STARD13: variants seen among roughly 807,000 people sequenced by gnomAD.
STARD13 encodes the protein stAR-related lipid transfer protein 13.
STARD13 carries 62 observed loss-of-function variants against 106.4 expected under a neutral mutation model. That is an observed-to-expected ratio of 0.58 (90% CI 0.48 to 0.72). The LOEUF (loss-of-function observed/expected upper bound fraction) is 0.72. Ranked by LOEUF, STARD13 falls within the 30% of genes least tolerant of loss-of-function variation. The probability of loss-of-function intolerance (pLI) is 0.00; values close to 1 mark genes in which losing one functional copy is unlikely to be tolerated. For missense variants in STARD13, 1,387 were observed against 1,424.0 expected, an observed-to-expected ratio of 0.97 and a Z score of 0.42; for synonymous variants, 565 against 553.0, an observed-to-expected ratio of 1.02 and a Z score of -0.31.
the STARD13 span, among the ~76,000 whole-genome samples, chr13:33,502,905 T>A: frequency 6.6e-6 from 1 of 152,166 alleles, no homozygotes; most frequent in Non-Finnish European, 1.5e-5. Flanking sequence ...ATAAAATGAG[T>A]TAGGGAGGAT....
the STARD13 span, among the ~76,000 whole-genome samples, chr13:33,663,470 A>G: frequency 2.0e-5 from 3 of 152,208 alleles, no homozygotes; most frequent in Admixed American, 1.3e-4. Context: ...ATAGTATGCA[A>G]TCAACAAAAA....
chr13:33,493,365 T>C, the STARD13 span, among the ~76,000 whole-genome samples: 3 of 152,174 alleles, frequency 2.0e-5, no homozygotes, highest in Non-Finnish European at 2.9e-5. Context: ...TCTCACGTGA[T>C]CAGTAAAGCT....
the STARD13 span, among the ~76,000 whole-genome samples, chr13:33,369,067 A>C: frequency 6.8e-6 from 1 of 146,394 alleles, no homozygotes; most frequent in East Asian, 1.9e-4. Context: ...TCAACTAAAC[A>C]AACAAATAAT....
At chr13:33,152,224 C>A (rs1881375571) in intron 3 of STARD13, among the ~76,000 whole-genome samples, 1 of 152,144 alleles carries the variant, frequency 6.6e-6, no homozygotes, top group African/African-American at 2.4e-5. Context: ...AGGGAAGGTG[C>A]AGTCAGAGAT....
chr13:33,597,511 T>A, the STARD13 span, among the ~76,000 whole-genome samples: 4 of 152,086 alleles, frequency 2.6e-5, no homozygotes, highest in African/African-American at 7.2e-5. Context: ...TTTATTCTAC[T>A]ATGTGTTGGG....
At chr13:33,409,744 G>A in the STARD13 span, among the ~76,000 whole-genome samples, 1 of 152,168 alleles carries the variant, frequency 6.6e-6, no homozygotes, top group African/African-American at 2.4e-5. Context: ...TGACCAAATA[G>A]AGGAAAATAC....
At chr13:33,589,557 C>T in the STARD13 span, among the ~76,000 whole-genome samples, 3 of 152,094 alleles carry the variant, frequency 2.0e-5, no homozygotes, top group South Asian at 6.2e-4. Context: ...TCGTTATGTA[C>T]CCAGTAGTCA....
chr13:33,362,348 T>C, the STARD13 span, among the ~76,000 whole-genome samples: 1 of 152,112 alleles, frequency 6.6e-6, no homozygotes. Flanking sequence ...TATTCATGAG[T>C]GATCCGTCCC....
chr13:33,216,232 A>G (rs891815823), intron 1 of STARD13, among the ~76,000 whole-genome samples: 2 of 152,230 alleles, frequency 1.3e-5, no homozygotes, highest in Non-Finnish European at 1.5e-5. Flanking sequence ...TGAGAGGAAA[A>G]GAAGTCATTA....
chr13:33,673,194 C>A, the STARD13 span, among the ~76,000 whole-genome samples: 1 of 152,234 alleles, frequency 6.6e-6, no homozygotes, highest in Non-Finnish European at 1.5e-5. Context: ...TCAAGAATAT[C>A]ACGTGTTTAA....
At chr13:33,119,282 C>A (rs1395617280) in intron 7 of STARD13, among the ~76,000 whole-genome samples, 1 of 152,072 alleles carries the variant, frequency 6.6e-6, no homozygotes, top group Non-Finnish European at 1.5e-5. Flanking sequence ...TTGCTTCAAC[C>A]CTCAATTTTC....
At chr13:33,628,915 G>A in the STARD13 span, among the ~76,000 whole-genome samples, 7 of 152,222 alleles carry the variant, frequency 4.6e-5, no homozygotes, top group East Asian at 1.9e-4. Context: ...TGATGGTAGC[G>A]AGGGTTACAT....
the STARD13 span, among the ~76,000 whole-genome samples, chr13:33,497,772 C>T: frequency 2.0e-5 from 3 of 152,314 alleles, no homozygotes; most frequent in African/African-American, 7.2e-5. Context: ...GATCCCTACT[C>T]ATTGTGGAGA....
chr13:33,512,345 T>C, the STARD13 span, among the ~76,000 whole-genome samples: 1 of 152,204 alleles, frequency 6.6e-6, no homozygotes, highest in South Asian at 2.1e-4. Context: ...TCTTACAAGA[T>C]GAGGAGTAAT....
At chr13:33,162,326 T>C (rs531797164) in intron 3 of STARD13, among the ~76,000 whole-genome samples, 1 of 152,344 alleles carries the variant, frequency 6.6e-6, no homozygotes, top group South Asian at 2.1e-4. Context: ...AGGTCTATGA[T>C]AGGAGGGACT....
chr13:33,413,107 G>A, the STARD13 span, among the ~76,000 whole-genome samples: 19 of 152,006 alleles, frequency 1.2e-4, no homozygotes, highest in African/African-American at 2.2e-4. Flanking sequence ...AATTAATAGC[G>A]GATAGGTAAC....
chr13:33,378,824 CAT>C, the STARD13 span, among the ~76,000 whole-genome samples: 1 of 149,282 alleles, frequency 6.7e-6, no homozygotes, highest in Non-Finnish European at 1.5e-5. Context: ...AAAAAAGAAA[CAT>C]AGGCTGGGCG....
intron 4 of STARD13, chr13:33,138,824 G>T: frequency 2.1e-6 from 1 of 471,496 alleles, no homozygotes. Flanking sequence ...ACAGAGGCAG[G>T]GAAGGTCATC....
At chr13:33,578,504 G>T in the STARD13 span, among the ~76,000 whole-genome samples, 1 of 151,846 alleles carries the variant, frequency 6.6e-6, no homozygotes, top group African/African-American at 2.4e-5. Flanking sequence ...TCAACTCAAG[G>T]TGGATTAAAG....
Sources: allele counts gnomAD v4.1 joint callset (sites outside exome capture counted in the v4.1 genomes callset), GRCh38; gene constraint gnomAD v4.1.1; transcripts MANE v1.5; gene names NCBI Gene and HGNC (gene_info 2026-07-23, HGNC 2026-07-21).